ADAMTS6: variants seen among roughly 807,000 people sequenced by gnomAD.
ADAMTS6 encodes A disintegrin and metalloproteinase with thrombospondin motifs 6.
Under a neutral mutation model 144.3 loss-of-function variants are expected in ADAMTS6, and 23 were observed. The ratio of observed to expected loss-of-function variants is 0.16; its 90% CI spans 0.11 to 0.23. ADAMTS6 has a LOEUF of 0.23. Ranked by LOEUF, ADAMTS6 falls within the 10% of genes least tolerant of loss-of-function variation. ADAMTS6 has a pLI of 1.00. For missense variants in ADAMTS6, 999 were observed against 1,379.6 expected, an observed-to-expected ratio of 0.72 and a Z score of 4.37; for synonymous variants, 444 against 457.5, an observed-to-expected ratio of 0.97 and a Z score of 0.38.
At chr5:65,344,802 C>A (rs867611995) in intron 7 of ADAMTS6, among the ~76,000 whole-genome samples, 1 of 151,786 alleles carries the variant, frequency 6.6e-6, no homozygotes, top group African/African-American at 2.4e-5. Context: ...AACAAAAATG[C>A]TTTGTTCTAT....
chr5:65,373,530 C>T (rs557907548), intron 7 of ADAMTS6, among the ~76,000 whole-genome samples: 30 of 151,540 alleles, frequency 2.0e-4, no homozygotes, highest in African/African-American at 5.8e-4. Context: ...AATTCCTCGA[C>T]ACATACACTC....
Position 65,343,886 on chromosome 5 carries a change from G to A in ADAMTS6, c.1074-9801C>T, listed in dbSNP as rs376233592. Among the ~76,000 whole-genome samples, 371 of 152,018 alleles carry A rather than the reference G, an allele frequency of 2.4e-3. 3 individuals are homozygous for A. The Middle Eastern group carries it at 0.038, about 15-fold the overall frequency. ...TACAAACAATCCATTTAAGGAATGGGCAAATAATCTGAACAGACATTTCTC... is the reference window on the plus strand; with the variant it reads ...TACAAACAATCCATTTAAGGAATGGACAAATAATCTGAACAGACATTTCTC... On this transcript the variant is annotated intron_variant, in intron 7 of 24. Transcript: ENST00000381055.
chr5:65,176,967 C>G (rs539662293), intron 22 of ADAMTS6, among the ~76,000 whole-genome samples: 14 of 152,336 alleles, frequency 9.2e-5, no homozygotes, highest in Non-Finnish European at 1.9e-4. Flanking sequence ...AAATTATATA[C>G]TTGGTTTATC....
chr5:65,280,628 A>T (rs2112700668), intron 11 of ADAMTS6, among the ~76,000 whole-genome samples: 1 of 152,328 alleles, frequency 6.6e-6, no homozygotes, highest in African/African-American at 2.4e-5. Flanking sequence ...ATCATTCCTC[A>T]ACTGTTCCTA....
At chr5:65,394,030 A>AT (rs918383230) in intron 7 of ADAMTS6, among the ~76,000 whole-genome samples, 6 of 151,746 alleles carry the variant, frequency 4.0e-5, no homozygotes, top group South Asian at 2.1e-4. Flanking sequence ...CATGTGGCAA[A>AT]TTTTTTTTTC....
At position 65,215,539 on chromosome 5, in the gene ADAMTS6, G is replaced by A. The variant is rs777721025; in HGVS notation, c.2273-52C>T. ...AAAATGTGAAATTTCATTTACCAAA[G>A]TGTCACTGATTAATTACTGCAATAA... On this transcript the variant is annotated intron_variant, in intron 18 of 24. Transcript: ENST00000381055. 4 of 1,517,086 alleles carry A rather than the reference G, an allele frequency of 2.6e-6. No individual in the cohort carries two copies. In the East Asian group the frequency reaches 9.1e-5, roughly 34 times the overall value. The allele number at this position is 1,517,086 out of a possible 1,614,324, so 94.0% of individuals were successfully genotyped here. A position where few individuals can be genotyped will look rare whatever the true frequency, so the allele number is the denominator to read the frequency against.
chr5:65,201,029 T>C (rs1455839521), intron 20 of ADAMTS6, among the ~76,000 whole-genome samples: 1 of 152,202 alleles, frequency 6.6e-6, no homozygotes, highest in Non-Finnish European at 1.5e-5. Flanking sequence ...CAAAGGTTCT[T>C]TTATACAATG....
At chr5:65,208,850 A>G (rs1580060817) in intron 20 of ADAMTS6, among the ~76,000 whole-genome samples, 1 of 152,214 alleles carries the variant, frequency 6.6e-6, no homozygotes, top group East Asian at 1.9e-4. Context: ...CATTTACTTT[A>G]GGAAATCTAA....
chr5:65,358,654 C>A (rs1180767256), intron 7 of ADAMTS6, among the ~76,000 whole-genome samples: 1 of 151,942 alleles, frequency 6.6e-6, no homozygotes, highest in Non-Finnish European at 1.5e-5. Flanking sequence ...AATCAAAACA[C>A]CATGGTACTG....
At chr5:65,186,642 C>T (rs1333603271) in intron 22 of ADAMTS6, among the ~76,000 whole-genome samples, 1 of 152,098 alleles carries the variant, frequency 6.6e-6, no homozygotes, top group African/African-American at 2.4e-5. Context: ...TCTTTCAAAT[C>T]AATTAGGAGT....
At chr5:65,455,857 G>A (rs1759148580) in intron 4 of ADAMTS6, among the ~76,000 whole-genome samples, 2 of 151,848 alleles carry the variant, frequency 1.3e-5, no homozygotes, top group South Asian at 4.1e-4. Context: ...GGTAGTTGCT[G>A]TTATCATCAT....
chr5:65,336,283 CTCTT>C, intron 7 of ADAMTS6, among the ~76,000 whole-genome samples: 1 of 152,166 alleles, frequency 6.6e-6, no homozygotes, highest in East Asian at 1.9e-4. Flanking sequence ...TAATCAGAAA[CTCTT>C]TCAGCTATGC....
chr5:65,368,670 A>G (rs977335916), intron 7 of ADAMTS6, among the ~76,000 whole-genome samples: 1 of 152,344 alleles, frequency 6.6e-6, no homozygotes, highest in South Asian at 2.1e-4. Flanking sequence ...CAGAGTAGAA[A>G]TATAGAAAGA....
intron 24 of ADAMTS6, among the ~76,000 whole-genome samples, 165 bp downstream of exon 24, chr5:65,170,452 A>T (rs1245688388): frequency 6.6e-6 from 1 of 152,214 alleles, no homozygotes; most frequent in Non-Finnish European, 1.5e-5. Context: ...TTAAAAAGTC[A>T]GGAAAAAACT....
chr5:65,393,357 T>C (rs1043339554), intron 7 of ADAMTS6, among the ~76,000 whole-genome samples: 1 of 152,230 alleles, frequency 6.6e-6, no homozygotes, highest in African/African-American at 2.4e-5. Context: ...CATATGCCAA[T>C]TTAAGTATAT....
intron 3 of ADAMTS6, among the ~76,000 whole-genome samples, chr5:65,462,886 C>T (rs1379912045): frequency 1.3e-5 from 2 of 151,918 alleles, no homozygotes; most frequent in Non-Finnish European, 2.9e-5. Flanking sequence ...TTGAGACTAG[C>T]CTGACCAACA....
intron 9 of ADAMTS6, among the ~76,000 whole-genome samples, chr5:65,314,061 TAAAC>T (rs1028588389): frequency 2.0e-5 from 3 of 152,048 alleles, no homozygotes; most frequent in African/African-American, 7.2e-5. Flanking sequence ...GATTTTGGAA[TAAAC>T]AGACAGGGAA....
chr5:65,248,765 C>A (rs1190384212), intron 14 of ADAMTS6, among the ~76,000 whole-genome samples: 2 of 151,966 alleles, frequency 1.3e-5, no homozygotes, highest in African/African-American at 4.8e-5. Context: ...CCAGCCTGGG[C>A]AACAGAGCCT....
intron 7 of ADAMTS6, among the ~76,000 whole-genome samples, chr5:65,345,380 G>A (rs1748224552): frequency 6.6e-6 from 1 of 151,400 alleles, no homozygotes; most frequent in Non-Finnish European, 1.5e-5. Flanking sequence ...TGTTTGTAAG[G>A]GAATCAAAAC....
Sources: allele counts gnomAD v4.1 joint callset (sites outside exome capture counted in the v4.1 genomes callset), GRCh38; gene constraint gnomAD v4.1.1; transcripts MANE v1.5; gene names NCBI Gene and HGNC (gene_info 2026-07-23, HGNC 2026-07-21).